Variants in TBC1D32 observed in about 807,000 individuals in gnomAD.
TBC1D32 encodes the protein protein broad-minded.
TBC1D32 carries 151 observed loss-of-function variants against 170.3 expected under a neutral mutation model. The ratio of observed to expected loss-of-function variants is 0.89; its 90% CI spans 0.78 to 1.01. The LOEUF (loss-of-function observed/expected upper bound fraction) is 1.01. TBC1D32 is among the 50% of genes least tolerant of loss of function. TBC1D32 has a pLI of 0.00. For synonymous variants in TBC1D32, 498 were observed against 488.0 expected (o/e 1.02, Z -0.27); for missense variants, 1,464 against 1,457.1 (o/e 1.00, Z -0.08).
intron 22 of TBC1D32, among the ~76,000 whole-genome samples, chr6:121,179,605 C>A (rs1441537447): frequency 6.6e-6 from 1 of 151,982 alleles, no homozygotes; most frequent in East Asian, 1.9e-4. Flanking sequence ...AAAGTCAAAG[C>A]ACCTACAGGA....
chr6:121,329,135 A>C (rs1810864006), intron 1 of TBC1D32, among the ~76,000 whole-genome samples: 1 of 152,244 alleles, frequency 6.6e-6, no homozygotes, highest in South Asian at 2.1e-4. Context: ...GAAAAACTTT[A>C]CCAAATTGAG....
intron 22 of TBC1D32, among the ~76,000 whole-genome samples, chr6:121,168,712 TAAAAAAAAAAA>T (rs59283869): frequency 1.1e-5 from 1 of 93,902 alleles, no homozygotes; most frequent in Non-Finnish European, 2.1e-5. Flanking sequence ...TAGAGTATAA[TAAAAAAAAAAA>T]AAAAAAAAAA....
chr6:121,282,988 G>T (rs9490154), intron 13 of TBC1D32, among the ~76,000 whole-genome samples: 1,685 of 151,800 alleles, frequency 0.011, 33 homozygotes, highest in African/African-American at 0.039. Context: ...GATTCAGAAG[G>T]TACATGTGTC....
intron 11 of TBC1D32, among the ~76,000 whole-genome samples, chr6:121,293,187 G>A (rs549974200): frequency 6.6e-6 from 1 of 150,510 alleles, no homozygotes; most frequent in East Asian, 1.9e-4. Context: ...ATAGAGAAGA[G>A]AGCAAAACCA....
chr6:121,259,276 C>G (rs983628346), intron 15 of TBC1D32, among the ~76,000 whole-genome samples: 1 of 151,718 alleles, frequency 6.6e-6, no homozygotes, highest in East Asian at 1.9e-4. Context: ...CCAACCTGGG[C>G]GGCAGACTGA....
intron 15 of TBC1D32, among the ~76,000 whole-genome samples, chr6:121,260,358 G>C (rs957435636): frequency 6.6e-6 from 1 of 152,110 alleles, no homozygotes; most frequent in Non-Finnish European, 1.5e-5. Context: ...AAAAATGGGG[G>C]CAGGAGGCAA....
chr6:121,261,359 G>A (rs1247560225), intron 15 of TBC1D32, among the ~76,000 whole-genome samples: 2 of 152,204 alleles, frequency 1.3e-5, no homozygotes. Context: ...CCCTACACAG[G>A]AGCGTTCCTA....
intron 29 of TBC1D32, among the ~76,000 whole-genome samples, chr6:121,111,645 C>T (rs1000193927): frequency 2.6e-5 from 4 of 151,986 alleles, no homozygotes; most frequent in African/African-American, 9.7e-5. Flanking sequence ...ATTGGATGAT[C>T]TTTTTAAGTA....
At chr6:121,198,844 A>C (rs1791175505) in intron 22 of TBC1D32, among the ~76,000 whole-genome samples, 1 of 151,506 alleles carries the variant, frequency 6.6e-6, no homozygotes, top group Non-Finnish European at 1.5e-5. Flanking sequence ...AGACAATTCA[A>C]ATTGAAAGTT....
chr6:121,115,211 A>C lies in TBC1D32; in HGVS notation c.3014T>G (p.Leu1005Arg). 6.2e-7 allele frequency: 1 copy of C among 1,601,578 alleles called. No homozygotes were observed. Among genetic ancestry groups the C allele is most frequent in the South Asian group, 1.1e-5 (1 of 89,098 alleles). The change falls in exon 27 of 32, where the codon CTT (leucine) becomes CGT (arginine). Residue 1005 changes from leucine (L) to arginine (R), a missense_variant. By Grantham distance (102) the Leu-to-Arg change is moderately radical (BLOSUM62 -2). Around this residue, in one of 3 missense-constraint regions of TBC1D32, gnomAD observed 1,363 missense variants for 1,338.1 expected, o/e 1.02. Transcript: ENST00000398212. ...AATGCCAAGCTGCTGCACAGATGAA[A>C]GACTTTCATTCTTCACATTTGCATC... Reference protein sequence around the residue: ...ATDANVKNESLSSVQQLGIKM... With the variant: ...ATDANVKNESRSSVQQLGIKM...
chr6:121,302,086 A>C (rs1806576231), intron 9 of TBC1D32, among the ~76,000 whole-genome samples: 1 of 152,326 alleles, frequency 6.6e-6, no homozygotes, highest in Middle Eastern at 3.4e-3. Context: ...TATAGTATTA[A>C]GCTATTTTTA....
intron 30 of TBC1D32, among the ~76,000 whole-genome samples, chr6:121,092,270 T>C (rs987787502): frequency 6.7e-6 from 1 of 148,962 alleles, no homozygotes; most frequent in Non-Finnish European, 1.5e-5. Flanking sequence ...CCTTATTGAA[T>C]ATCTCTTCTC....
At chr6:121,279,887 T>C (rs1802748803) in intron 14 of TBC1D32, among the ~76,000 whole-genome samples, 1 of 152,042 alleles carries the variant, frequency 6.6e-6, no homozygotes, top group African/African-American at 2.4e-5. Context: ...AGAGTGTATC[T>C]ACAGTATTAT....
chr6:121,159,617 C>A (rs957945084), intron 24 of TBC1D32, among the ~76,000 whole-genome samples: 13 of 152,124 alleles, frequency 8.5e-5, no homozygotes, highest in Admixed American at 5.9e-4. Context: ...TCTAACTCTA[C>A]ACCTAGGCTA....
chr6:121,232,310 T>C (rs78241138), intron 20 of TBC1D32, among the ~76,000 whole-genome samples: 3,661 of 152,248 alleles, frequency 0.024, 163 homozygotes, highest in East Asian at 0.12. Context: ...TACCACGTCA[T>C]TCTGTTAACT....
Position 121,317,507 on chromosome 6 carries a change from T to A in TBC1D32, c.483A>T (p.Ser161=). The A allele has an allele frequency of 6.3e-7, 1 of 1,597,876 alleles. No individual in the cohort carries two copies. The highest frequency in any genetic ancestry group is 8.5e-7 in the Non-Finnish European group (1 of 1,173,392). The change falls in exon 3 of 32, where the codon TCA becomes TCT. Residue 161 remains serine, a synonymous_variant. Coordinates refer to ENST00000398212, the MANE Select transcript of TBC1D32 (RefSeq NM_152730.6). ...CTGAACAACACACCTGATTCAATGA[T>A]GAATCACTATCAGAGCAATTGTCTG... is the stretch of plus-strand genomic sequence containing the variant. ...YRTDNCSDSD[S]SLNQSYKFCQ... is the part of the protein sequence containing the mutation.
intron 15 of TBC1D32, among the ~76,000 whole-genome samples, chr6:121,270,716 A>G (rs1337601550): frequency 6.6e-6 from 1 of 152,168 alleles, no homozygotes; most frequent in East Asian, 1.9e-4. Flanking sequence ...TTCTGAAACT[A>G]TTCCAATCAA....
At chr6:121,115,288 T>C in intron 26 of TBC1D32, 47 bp from the exon 27 acceptor site, 3 of 1,351,788 alleles carry the variant, frequency 2.2e-6, no homozygotes, top group Non-Finnish European at 2.0e-6. Context: ...AAAGTTTGCA[T>C]AATAATCACA....
intron 27 of TBC1D32, 88 bp downstream of exon 27, chr6:121,115,084 G>T: frequency 2.1e-6 from 2 of 942,410 alleles, no homozygotes; most frequent in South Asian, 2.5e-5. Flanking sequence ...AAAATAGTTG[G>T]TTGTTAAATT....
Sources: gnomAD v4.1 joint callset for allele counts (sites outside exome capture counted in the v4.1 genomes callset) on GRCh38, gnomAD v4.1.1 for gene constraint, gnomAD v4.1.1 regional missense constraint, MANE v1.5 for transcripts, NCBI Gene and HGNC (gene_info 2026-07-23, HGNC 2026-07-21) for gene names.